Variants in KIF16B observed in about 807,000 individuals in gnomAD.
KIF16B encodes kinesin family member 16B, also known as kinesin-like protein KIF16B.
KIF16B carries 98 observed loss-of-function variants against 156.3 expected under a neutral mutation model. The observed-to-expected ratio is 0.63, with a 90% confidence interval of 0.53 to 0.74. KIF16B has a LOEUF of 0.74. Ranked by LOEUF, KIF16B falls within the 30% of genes least tolerant of loss-of-function variation. The probability of loss-of-function intolerance (pLI) is 0.00; values close to 1 mark genes in which losing one functional copy is unlikely to be tolerated. For missense variants in KIF16B, 1,421 were observed against 1,606.5 expected (o/e 0.88, Z 1.97); for synonymous variants, 564 against 583.7 (o/e 0.97, Z 0.49).
chr20:16,433,172 A>G (rs2066548426), intron 12 of KIF16B, among the ~76,000 whole-genome samples: 1 of 152,196 alleles, frequency 6.6e-6, no homozygotes, highest in Non-Finnish European at 1.5e-5. Flanking sequence ...TCTATTTCAT[A>G]AAATGATGTC....
chr20:16,302,119 G>A (rs2063480862), intron 25 of KIF16B, among the ~76,000 whole-genome samples: 1 of 152,180 alleles, frequency 6.6e-6, no homozygotes, highest in East Asian at 1.9e-4. Flanking sequence ...CAGAGCAGAA[G>A]TTTTAAACTT....
intron 25 of KIF16B, among the ~76,000 whole-genome samples, chr20:16,278,017 T>C (rs2063089789): frequency 6.6e-6 from 1 of 152,166 alleles, no homozygotes; most frequent in African/African-American, 2.4e-5. Flanking sequence ...TGCACAACAT[T>C]ATGGCCCTGA....
chr20:16,295,257 G>A (rs1251698471), intron 25 of KIF16B, among the ~76,000 whole-genome samples: 1 of 152,148 alleles, frequency 6.6e-6, no homozygotes, highest in Non-Finnish European at 1.5e-5. Flanking sequence ...AGGCCACGGT[G>A]GCTGCTGGCC....
At chr20:16,458,513 G>A (rs773674466) in intron 12 of KIF16B, among the ~76,000 whole-genome samples, 1 of 152,092 alleles carries the variant, frequency 6.6e-6, no homozygotes, top group Non-Finnish European at 1.5e-5. Flanking sequence ...CATGTGTATG[G>A]GTAGTATAAG....
chr20:16,372,957 C>T (rs1441947608), intron 20 of KIF16B, among the ~76,000 whole-genome samples: 2 of 152,226 alleles, frequency 1.3e-5, no homozygotes, highest in Non-Finnish European at 2.9e-5. Flanking sequence ...CTCGGCCTCT[C>T]GAAGTGCTGG....
chr20:16,568,060 A>C (rs2071325069), intron 1 of KIF16B, among the ~76,000 whole-genome samples: 1 of 152,242 alleles, frequency 6.6e-6, no homozygotes, highest in Non-Finnish European at 1.5e-5. Context: ...CTAAGAGGCT[A>C]ACCATGAACT....
intron 6 of KIF16B, 118 bp from the exon 7 acceptor site, chr20:16,508,218 T>TAGAGAGA: frequency 8.7e-7 from 1 of 1,148,376 alleles, no homozygotes; most frequent in Non-Finnish European, 1.3e-6. Context: ...TCTGAAGACC[T>TAGAGAGA]CACTTGTCTC....
At chr20:16,336,795 C>A (rs569687094) in intron 23 of KIF16B, among the ~76,000 whole-genome samples, 2 of 152,298 alleles carry the variant, frequency 1.3e-5, no homozygotes, top group Non-Finnish European at 2.9e-5. Flanking sequence ...CTCTTCCTAT[C>A]CCTGCATTCA....
At chr20:16,419,753 T>A (rs536931390) in intron 15 of KIF16B, among the ~76,000 whole-genome samples, 4 of 151,978 alleles carry the variant, frequency 2.6e-5, no homozygotes, top group African/African-American at 9.6e-5. Flanking sequence ...AAAGAAAAAA[T>A]AATAATTAAA....
intron 5 of KIF16B, among the ~76,000 whole-genome samples, chr20:16,512,391 T>C (rs1246876767): frequency 6.6e-6 from 1 of 152,082 alleles, no homozygotes; most frequent in Non-Finnish European, 1.5e-5. Flanking sequence ...AGAGACTGGC[T>C]CCCCTCACAG....
chr20:16,542,260 T>C (rs1438449157), intron 1 of KIF16B, among the ~76,000 whole-genome samples: 4 of 152,178 alleles, frequency 2.6e-5, no homozygotes, highest in Non-Finnish European at 5.9e-5. Context: ...AGTTAGAAGC[T>C]AGAGAAATCC....
At chr20:16,382,146 A>T in intron 17 of KIF16B, 1 of 1,086,978 alleles carries the variant, frequency 9.2e-7, no homozygotes, top group Non-Finnish European at 1.2e-6. Context: ...AGGGAGGTGG[A>T]GAGAGAGAGA....
intron 3 of KIF16B, among the ~76,000 whole-genome samples, chr20:16,522,788 A>C (rs935695499): frequency 1.3e-5 from 2 of 152,172 alleles, no homozygotes; most frequent in Admixed American, 1.3e-4. Flanking sequence ...TCCTCAGCAA[A>C]TGCAAAAGAA....
chr20:16,472,757 T>C (rs573534260), intron 12 of KIF16B, among the ~76,000 whole-genome samples: 46 of 152,272 alleles, frequency 3.0e-4, no homozygotes, highest in African/African-American at 1.0e-3. Flanking sequence ...ACTGACCGCC[T>C]GCCTACTGAC....
intron 1 of KIF16B, among the ~76,000 whole-genome samples, chr20:16,538,252 T>C (rs925857247): frequency 1.3e-5 from 2 of 152,198 alleles, no homozygotes; most frequent in African/African-American, 4.8e-5. Flanking sequence ...CTTTGTCTTG[T>C]AATTCTTCAG....
chr20:16,404,957 C>T (rs886837386), intron 16 of KIF16B, 56 bp from the exon 17 acceptor site: 4 of 1,243,028 alleles, frequency 3.2e-6, no homozygotes, highest in Middle Eastern at 1.9e-4. Context: ...AAGGCCACTG[C>T]TCTGGACTCA....
chr20:16,425,479 A>G (rs914878452), intron 15 of KIF16B, among the ~76,000 whole-genome samples: 4 of 152,164 alleles, frequency 2.6e-5, no homozygotes, highest in Non-Finnish European at 5.9e-5. Context: ...CATAATAATA[A>G]TTAATTCAGC....
chr20:16,429,220 T>C (rs751784502), intron 13 of KIF16B, among the ~76,000 whole-genome samples: 4 of 152,198 alleles, frequency 2.6e-5, no homozygotes, highest in Non-Finnish European at 5.9e-5. Flanking sequence ...GGCCCTGCTT[T>C]GACAGCGTTA....
chr20:16,412,357 G>A (rs1274380386), intron 15 of KIF16B, among the ~76,000 whole-genome samples: 1 of 152,042 alleles, frequency 6.6e-6, no homozygotes, highest in Non-Finnish European at 1.5e-5. Context: ...AGATGTACTG[G>A]GCACAGGCAA....
Sources: allele counts gnomAD v4.1 joint callset (sites outside exome capture counted in the v4.1 genomes callset), GRCh38; gene constraint gnomAD v4.1.1; transcripts MANE v1.5; gene names NCBI Gene and HGNC (gene_info 2026-07-23, HGNC 2026-07-21).